NCKAP5: variants seen among roughly 807,000 people sequenced by gnomAD.
The protein encoded by NCKAP5 is NCK associated protein 5.
In NCKAP5, 92 loss-of-function variants were observed where a neutral mutation model predicts 167.0. The ratio of observed to expected loss-of-function variants is 0.55; its 90% CI spans 0.47 to 0.66. NCKAP5 has a LOEUF of 0.66. NCKAP5 is among the 30% of genes least tolerant of loss of function. The pLI is 0.00. For missense variants in NCKAP5, 2,378 were observed against 2,315.0 expected, an observed-to-expected ratio of 1.03 and a Z score of -0.56; for synonymous variants, 891 against 877.4, an observed-to-expected ratio of 1.02 and a Z score of -0.27.
chr2:133,632,546 A>C, the NCKAP5 span, among the ~76,000 whole-genome samples: 1 of 152,216 alleles, frequency 6.6e-6, no homozygotes, highest in South Asian at 2.1e-4. Flanking sequence ...TACAATGGTC[A>C]TCAGAACAAG....
chr2:133,242,375 T>C (rs1167087474), intron 4 of NCKAP5, among the ~76,000 whole-genome samples: 2 of 151,950 alleles, frequency 1.3e-5, no homozygotes, highest in African/African-American at 4.8e-5. Context: ...AGCAAGAAAG[T>C]AGCTCTAGCA....
At chr2:133,467,146 T>C (rs1414064173) in intron 3 of NCKAP5, among the ~76,000 whole-genome samples, 3 of 151,824 alleles carry the variant, frequency 2.0e-5, no homozygotes, top group African/African-American at 7.3e-5. Flanking sequence ...GGCTGTGGGT[T>C]TGTCATAGAT....
chr2:133,658,037 G>C, the NCKAP5 span, among the ~76,000 whole-genome samples: 1 of 152,120 alleles, frequency 6.6e-6, no homozygotes, highest in South Asian at 2.1e-4. Context: ...TATGGGCAAG[G>C]CTGAATCTAT....
intron 11 of NCKAP5, among the ~76,000 whole-genome samples, chr2:132,809,800 T>G (rs1685720979): frequency 6.6e-6 from 1 of 152,198 alleles, no homozygotes; most frequent in South Asian, 2.1e-4. Context: ...TTGCATTTAT[T>G]GGGCTCGTTG....
intron 11 of NCKAP5, among the ~76,000 whole-genome samples, chr2:132,815,151 T>C (rs1448536282): frequency 1.3e-5 from 2 of 152,220 alleles, no homozygotes; most frequent in Admixed American, 6.5e-5. Flanking sequence ...TGATGGAAAC[T>C]TTTTTCAAGA....
At chr2:132,976,528 C>T (rs2076980874) in intron 7 of NCKAP5, among the ~76,000 whole-genome samples, 1 of 143,246 alleles carries the variant, frequency 7.0e-6, no homozygotes, top group African/African-American at 2.7e-5. Context: ...GGCGCCACTG[C>T]ACTCCAGCCT....
At chr2:133,558,379 T>G (rs1687897820) in intron 2 of NCKAP5, among the ~76,000 whole-genome samples, 1 of 150,660 alleles carries the variant, frequency 6.6e-6, no homozygotes, top group African/African-American at 2.4e-5. Flanking sequence ...GAGGAGAAAA[T>G]AGGAGAGGTG....
intron 19 of NCKAP5, among the ~76,000 whole-genome samples, chr2:132,714,439 A>G (rs933391753): frequency 6.6e-6 from 1 of 152,178 alleles, no homozygotes; most frequent in African/African-American, 2.4e-5. Context: ...TATCTGAAAC[A>G]CCCATGAGAA....
At chr2:133,563,595 G>A (rs199902800) in intron 1 of NCKAP5, among the ~76,000 whole-genome samples, 229 of 79,438 alleles carry the variant, frequency 2.9e-3, no homozygotes, top group East Asian at 5.4e-3. Flanking sequence ...AAAAAAAAAA[G>A]ATTCAGATCT....
the NCKAP5 span, among the ~76,000 whole-genome samples, chr2:133,640,402 G>A: frequency 6.6e-6 from 1 of 152,220 alleles, no homozygotes; most frequent in African/African-American, 2.4e-5. Flanking sequence ...ACCCAAGTGG[G>A]ATTCAAAAGA....
intron 3 of NCKAP5, among the ~76,000 whole-genome samples, chr2:133,400,284 G>A (rs370899187): frequency 3.3e-5 from 5 of 152,060 alleles, no homozygotes; most frequent in African/African-American, 4.8e-5. Context: ...AATGGTACCC[G>A]CTGCCCCCCT....
chr2:132,742,726 C>T (rs888817649), intron 16 of NCKAP5, among the ~76,000 whole-genome samples: 5 of 151,852 alleles, frequency 3.3e-5, no homozygotes, highest in African/African-American at 9.7e-5. Context: ...ACTTCACAAC[C>T]TTAAGCTTTT....
intron 3 of NCKAP5, among the ~76,000 whole-genome samples, chr2:133,466,657 C>T (rs1461497734): frequency 6.6e-6 from 1 of 152,196 alleles, no homozygotes; most frequent in Non-Finnish European, 1.5e-5. Flanking sequence ...GAATGTTCTT[C>T]CGTTTGTTTG....
intron 8 of NCKAP5, among the ~76,000 whole-genome samples, chr2:132,956,589 G>A (rs1045672068): frequency 2.0e-5 from 3 of 152,154 alleles, no homozygotes; most frequent in African/African-American, 4.8e-5. Context: ...ACACGAATGT[G>A]CCATACCATC....
chr2:133,567,657 C>CTGTGTGTGTGTGTGTGTG (rs3050985), intron 1 of NCKAP5, among the ~76,000 whole-genome samples: 26 of 130,994 alleles, frequency 2.0e-4, no homozygotes, highest in Middle Eastern at 3.8e-3. Context: ...ATGAATGAGC[C>CTGTGTGTGTGTGTGTGTG]TGTGTGTGTG....
intron 6 of NCKAP5, among the ~76,000 whole-genome samples, chr2:133,098,065 T>C (rs1330128132): frequency 6.6e-6 from 1 of 152,166 alleles, no homozygotes; most frequent in African/African-American, 2.4e-5. Flanking sequence ...TTTGTTTTCC[T>C]CAAAGCAAAT....
intron 3 of NCKAP5, among the ~76,000 whole-genome samples, chr2:133,409,150 G>C (rs573255734): frequency 3.9e-5 from 6 of 152,170 alleles, no homozygotes; most frequent in African/African-American, 1.4e-4. Flanking sequence ...GAAGCAGTTT[G>C]ACCTTGCTAC....
chr2:133,045,367 ATATATC>A (rs2079360186), intron 6 of NCKAP5, among the ~76,000 whole-genome samples: 1 of 151,972 alleles, frequency 6.6e-6, no homozygotes, highest in Non-Finnish European at 1.5e-5. Context: ...TAAAAAGTAT[ATATATC>A]TATATCTATC....
At chr2:132,781,863 G>T in intron 14 of NCKAP5, 77 bp downstream of exon 14, 3 of 1,397,946 alleles carry the variant, frequency 2.1e-6, no homozygotes, top group Non-Finnish European at 2.9e-6. Context: ...GGCCTTTAAT[G>T]CACAGGAAGC....
Sources: gnomAD v4.1 joint callset for allele counts (sites outside exome capture counted in the v4.1 genomes callset) on GRCh38, gnomAD v4.1.1 for gene constraint, MANE v1.5 for transcripts, NCBI Gene and HGNC (gene_info 2026-07-23, HGNC 2026-07-21) for gene names.